The following NTM variants were observed in gnomAD, a reference collection of about 807,000 sequenced individuals.
NTM encodes the protein IgLON family member 2.
In NTM, 13 loss-of-function variants were observed where a neutral mutation model predicts 42.1. The ratio of observed to expected loss-of-function variants is 0.31; its 90% CI spans 0.20 to 0.49. The LOEUF is 0.49. Among genes scored for constraint, NTM ranks in the 20% least tolerant of loss-of-function variants. The pLI, the probability that NTM is intolerant of heterozygous loss-of-function variation, is 0.99. For synonymous variants in NTM, 187 were observed against 179.2 expected (o/e 1.04, Z -0.35); for missense variants, 373 against 452.8 (o/e 0.82, Z 1.60).
chr11:132,089,688 T>C (rs1007500660), intron 2 of NTM, among the ~76,000 whole-genome samples: 3 of 152,336 alleles, frequency 2.0e-5, no homozygotes, highest in East Asian at 1.9e-4. Context: ...CTTTAGGGCA[T>C]TGTTCTCATA....
At chr11:131,944,791 G>T (rs992624211) in intron 2 of NTM, among the ~76,000 whole-genome samples, 2 of 152,152 alleles carry the variant, frequency 1.3e-5, no homozygotes, top group South Asian at 4.2e-4. Context: ...CACTCAAAGG[G>T]GTGTCGTGGA....
intron 1 of NTM, among the ~76,000 whole-genome samples, chr11:131,551,900 G>A (rs1311273694): frequency 3.3e-5 from 5 of 152,116 alleles, no homozygotes; most frequent in Non-Finnish European, 7.3e-5. Flanking sequence ...CACACACTGG[G>A]CATGGCAGAA....
chr11:132,111,017 T>A (rs149729748), intron 2 of NTM, among the ~76,000 whole-genome samples: 67 of 133,914 alleles, frequency 5.0e-4, no homozygotes, highest in African/African-American at 1.7e-3. Context: ...TGAGCCATGA[T>A]TGTGCCACTG....
At chr11:131,577,471 G>C (rs1261393362) in intron 1 of NTM, among the ~76,000 whole-genome samples, 1 of 152,186 alleles carries the variant, frequency 6.6e-6, no homozygotes, top group East Asian at 1.9e-4. Context: ...AGTCAATATA[G>C]CACAATCAAA....
chr11:131,860,762 G>A lies in NTM; in HGVS notation c.83-50802G>A, dbSNP rs571289512. The stretch of plus-strand genomic sequence containing the variant: ...ACTTTCACCACCCCCTGAATTCTTA[G>A]CTACATTTCCTTGGTAGAGGTGATG... On this transcript the variant is annotated intron_variant, in intron 1 of 8. Coordinates refer to ENST00000683400, the MANE Select transcript of NTM (RefSeq NM_001352005.2). Among the ~76,000 whole-genome samples, 75 of 152,288 alleles carry A rather than the reference G, an allele frequency of 4.9e-4. 1 individual carries two copies. The highest frequency in any genetic ancestry group is 1.7e-3 in the African/African-American group (71 of 41,564).
intron 1 of NTM, among the ~76,000 whole-genome samples, chr11:131,377,684 G>C (rs752471705): frequency 6.6e-6 from 1 of 152,206 alleles, no homozygotes; most frequent in Non-Finnish European, 1.5e-5. Flanking sequence ...GCGTCACATT[G>C]TGTAGTTGTT....
chr11:131,667,293 C>T (rs562636720), intron 1 of NTM, among the ~76,000 whole-genome samples: 7 of 152,276 alleles, frequency 4.6e-5, no homozygotes, highest in East Asian at 3.9e-4. Context: ...TGGGCTTTGC[C>T]GTAGTCCTTA....
chr11:131,445,905 G>A (rs1410719860), intron 1 of NTM, among the ~76,000 whole-genome samples: 1 of 152,126 alleles, frequency 6.6e-6, no homozygotes, highest in Non-Finnish European at 1.5e-5. Context: ...ACTGTCTATG[G>A]CTGCTTCTTC....
intron 1 of NTM, among the ~76,000 whole-genome samples, chr11:131,821,195 A>G (rs1430450234): frequency 6.6e-6 from 1 of 152,202 alleles, no homozygotes; most frequent in African/African-American, 2.4e-5. Flanking sequence ...CCACTATCCC[A>G]GGTACCTAAG....
intron 2 of NTM, among the ~76,000 whole-genome samples, chr11:131,970,069 G>A (rs541424366): frequency 1.7e-4 from 26 of 152,272 alleles, no homozygotes; most frequent in African/African-American, 6.3e-4. Context: ...CTTGACCTCA[G>A]AATGTGCTGA....
chr11:131,470,816 A>C (rs1292681919), intron 1 of NTM, among the ~76,000 whole-genome samples: 1 of 152,176 alleles, frequency 6.6e-6, no homozygotes, highest in East Asian at 1.9e-4. Flanking sequence ...CTTAAAAGGG[A>C]AAGCAGCCAG....
Position 131,444,270 on chromosome 11 carries a change from CAAT to C in NTM, c.82+73385_82+73387del, listed in dbSNP as rs917771904. Among the ~76,000 whole-genome samples, 17 of 107,260 alleles carry C rather than the reference CAAT, an allele frequency of 1.6e-4. No individual in the cohort carries two copies. In the Admixed American group the frequency reaches 1.6e-3, roughly 10 times the overall value. The allele number at this position is 107,260 out of a possible 152,430, so 70.4% of individuals were successfully genotyped here. ...GGACAGAAAGAAGAAATGGAAGAAA[CAAT>C]AAGAATGAAATGAGAAAAAGCAGGG... On this transcript the variant is annotated intron_variant, in intron 1 of 8. Coordinates refer to ENST00000683400, the MANE Select transcript of NTM (RefSeq NM_001352005.2).
intron 2 of NTM, among the ~76,000 whole-genome samples, chr11:132,097,927 G>A (rs577151191): frequency 6.6e-6 from 1 of 152,310 alleles, no homozygotes; most frequent in East Asian, 1.9e-4. Flanking sequence ...TTGCAATTGA[G>A]GCAAACTTTA....
intron 3 of NTM, among the ~76,000 whole-genome samples, chr11:132,185,831 C>G (rs2078306788): frequency 6.6e-6 from 1 of 152,122 alleles, no homozygotes; most frequent in African/African-American, 2.4e-5. Context: ...GGGTGGCATC[C>G]ATTACTTTCA....
intron 1 of NTM, among the ~76,000 whole-genome samples, chr11:131,891,237 A>G (rs1338598623): frequency 6.6e-6 from 1 of 152,224 alleles, no homozygotes; most frequent in East Asian, 1.9e-4. Flanking sequence ...AAAACATTAC[A>G]GGCATTCAGA....
intron 1 of NTM, among the ~76,000 whole-genome samples, chr11:131,853,797 A>G (rs1379532844): frequency 6.6e-6 from 1 of 152,158 alleles, no homozygotes; most frequent in Non-Finnish European, 1.5e-5. Context: ...TTCTGCCTCT[A>G]GGTCTTTGAG....
At chr11:132,066,900 A>G (rs774008417) in intron 2 of NTM, among the ~76,000 whole-genome samples, 3 of 152,116 alleles carry the variant, frequency 2.0e-5, no homozygotes, top group Non-Finnish European at 4.4e-5. Flanking sequence ...AACACACACC[A>G]TATAAGCTCA....
intron 1 of NTM, among the ~76,000 whole-genome samples, chr11:131,631,182 G>A (rs1465598927): frequency 6.6e-6 from 1 of 152,118 alleles, no homozygotes; most frequent in East Asian, 1.9e-4. Context: ...ATTTGCACCC[G>A]TTAAATGACA....
chr11:132,082,621 T>C (rs2059225171), intron 2 of NTM, among the ~76,000 whole-genome samples: 1 of 152,218 alleles, frequency 6.6e-6, no homozygotes, highest in African/African-American at 2.4e-5. Flanking sequence ...CCTAGGCATT[T>C]GGCTGTCTCC....
Sources: allele counts gnomAD v4.1 joint callset (sites outside exome capture counted in the v4.1 genomes callset), GRCh38; gene constraint gnomAD v4.1.1; transcripts MANE v1.5; gene names NCBI Gene and HGNC (gene_info 2026-07-23, HGNC 2026-07-21).